Variants in TCF4 observed in about 807,000 individuals in gnomAD.
TCF4 encodes SL3-3 enhancer factor 2.
A neutral mutation model predicts 82.1 loss-of-function variants in TCF4; 3 were observed. The ratio of observed to expected loss-of-function variants is 0.04; its 90% CI spans 0.02 to 0.09. TCF4 has a LOEUF of 0.09. Among genes scored for constraint, TCF4 ranks in the 10% least tolerant of loss-of-function variants. The pLI, the probability that TCF4 is intolerant of heterozygous loss-of-function variation, is 1.00. For missense variants in TCF4, 518 were observed against 852.7 expected, an observed-to-expected ratio of 0.61 and a Z score of 4.89; for synonymous variants, 276 against 309.6, an observed-to-expected ratio of 0.89 and a Z score of 1.14.
intron 6 of TCF4, among the ~76,000 whole-genome samples, chr18:55,380,652 A>C (rs2091742485): frequency 6.6e-6 from 1 of 152,194 alleles, no homozygotes; most frequent in African/African-American, 2.4e-5. Context: ...GTATGTAATA[A>C]ATGTCAGTTC....
intron 5 of TCF4, chr18:55,452,494 C>G (rs927204493): frequency 3.3e-5 from 5 of 152,448 alleles, no homozygotes; most frequent in African/African-American, 9.6e-5. Context: ...GTCCCAGGGA[C>G]GTGCTCCAGG....
At chr18:55,589,902 TAG>T, upstream of TCF4, 4 of 931,314 alleles carry the variant, frequency 4.3e-6, no homozygotes, top group Non-Finnish European at 5.1e-6. Context: ...ACAGAGCGCC[TAG>T]AGAGGCGGCC....
chr18:55,550,572 T>C (rs2097252005), intron 3 of TCF4: 1 of 152,204 alleles, frequency 6.6e-6, no homozygotes, highest in African/African-American at 2.4e-5. Flanking sequence ...TTTGGTCTTG[T>C]GTGCATGTAG....
At chr18:55,582,718 T>C (rs1045550550) in intron 3 of TCF4, among the ~76,000 whole-genome samples, 2 of 152,158 alleles carry the variant, frequency 1.3e-5, no homozygotes, top group African/African-American at 4.8e-5. Context: ...ACTTTAAGCA[T>C]GAATTATTAC....
At position 55,539,940 on chromosome 18, in the gene TCF4, C is replaced by T. The variant is rs527252918; in HGVS notation, c.145+45340G>A. Reference sequence around the variant, plus strand: ...TCAAAAAATGCTTCCACTTGCGCACCGGACATCCATTCTGAGTCACTCTTT... The same window carrying T: ...TCAAAAAATGCTTCCACTTGCGCACTGGACATCCATTCTGAGTCACTCTTT... On this transcript the variant is annotated intron_variant, in intron 3 of 19. Transcript: ENST00000354452. Among the ~76,000 whole-genome samples the T allele has an allele frequency of 1.1e-4, 16 of 151,952 alleles. 1 individual carries two copies. In the South Asian group the frequency reaches 2.5e-3, roughly 24 times the overall value.
At chr18:55,526,001 T>C (rs1369993348) in intron 3 of TCF4, among the ~76,000 whole-genome samples, 2 of 152,224 alleles carry the variant, frequency 1.3e-5, no homozygotes, top group African/African-American at 2.4e-5. Flanking sequence ...CTATTCTTAG[T>C]GTGTGTGCTT....
At chr18:55,583,949 T>G (rs767544577) in intron 3 of TCF4, among the ~76,000 whole-genome samples, 33 of 152,068 alleles carry the variant, frequency 2.2e-4, no homozygotes, top group Admixed American at 6.6e-4. Context: ...GTGGAAAACA[T>G]AACCAGGTCC....
At chr18:55,533,153 TACA>T (rs1463977532) in intron 3 of TCF4, among the ~76,000 whole-genome samples, 8 of 152,014 alleles carry the variant, frequency 5.3e-5, no homozygotes, top group East Asian at 1.9e-4. Flanking sequence ...TGTTCAAAAA[TACA>T]ACAAGAAACA....
chr18:55,632,847 A>G (rs536616350), intron 1 of TCF4, among the ~76,000 whole-genome samples: 1 of 152,310 alleles, frequency 6.6e-6, no homozygotes, highest in South Asian at 2.1e-4. Flanking sequence ...GGAATATTGG[A>G]GGAAGATCCT....
intron 3 of TCF4, among the ~76,000 whole-genome samples, chr18:55,505,924 G>A (rs2096754621): frequency 6.6e-6 from 1 of 152,088 alleles, no homozygotes; most frequent in African/African-American, 2.4e-5. Flanking sequence ...ATAGGAGTGG[G>A]TTTAATCTAA....
At chr18:55,600,553 C>T (rs150860438) in intron 2 of TCF4, among the ~76,000 whole-genome samples, 27 of 152,276 alleles carry the variant, frequency 1.8e-4, no homozygotes, top group East Asian at 1.2e-3. Flanking sequence ...TCCATTCTCA[C>T]GGGTGTGAAC....
chr18:55,254,260 G>C lies in TCF4; in HGVS notation c.1350+237C>G, dbSNP rs74810858. On this transcript the variant is annotated intron_variant, in intron 15 of 19. Transcript: ENST00000354452. ...GGAATGACTGCTTAATGGGCAACGGGGATTCTTTTCTTTTTGCAGGGGGCA... is the reference window on the plus strand; with the variant it reads ...GGAATGACTGCTTAATGGGCAACGGCGATTCTTTTCTTTTTGCAGGGGGCA... Among the ~76,000 whole-genome samples the C allele has an allele frequency of 2.8e-3, 430 of 152,200 alleles. 2 individuals are homozygous for C. Among genetic ancestry groups the C allele is most frequent in the African/African-American group, 9.8e-3 (409 of 41,528 alleles).
chr18:55,630,194 T>C (rs757821234), intron 2 of TCF4, among the ~76,000 whole-genome samples: 41 of 152,188 alleles, frequency 2.7e-4, no homozygotes, highest in Middle Eastern at 3.2e-3. Context: ...AAATTTTATA[T>C]AGAATAATAA....
intron 8 of TCF4, among the ~76,000 whole-genome samples, chr18:55,300,501 C>A (rs1367160855): frequency 6.6e-6 from 1 of 152,084 alleles, no homozygotes; most frequent in Non-Finnish European, 1.5e-5. Flanking sequence ...CATTAGCAAC[C>A]CAGAGTGGAA....
At position 55,570,180 on chromosome 18, in the gene TCF4, T is replaced by G. The variant is rs678361; in HGVS notation, c.145+15100A>C. Among the ~76,000 whole-genome samples the G allele has an allele frequency of 4.2e-3, 647 of 152,302 alleles. 7 individuals are homozygous for G. The highest frequency in any genetic ancestry group is 0.015 in the African/African-American group (626 of 41,572). ...GGATGGACTTTTCAGTACGTGTGAA[T>G]GGATTTCCACACAAAATCAATCCCA... On this transcript the variant is annotated intron_variant, in intron 3 of 19. Transcript: ENST00000354452.
chr18:55,471,565 G>A (rs985192402), intron 3 of TCF4, among the ~76,000 whole-genome samples: 4 of 152,064 alleles, frequency 2.6e-5, no homozygotes, highest in Non-Finnish European at 5.9e-5. Flanking sequence ...CCAAGAGTTC[G>A]AGATCAGCCT....
intron 3 of TCF4, among the ~76,000 whole-genome samples, chr18:55,505,069 A>C (rs569743459): frequency 2.6e-5 from 4 of 152,324 alleles, no homozygotes; most frequent in South Asian, 4.1e-4. Flanking sequence ...TTTTGGGGTT[A>C]GGTTATTGGC....
At chr18:55,436,303 T>A (rs948241621) in intron 5 of TCF4, among the ~76,000 whole-genome samples, 1 of 152,226 alleles carries the variant, frequency 6.6e-6, no homozygotes, top group Non-Finnish European at 1.5e-5. Flanking sequence ...ATTAATAATT[T>A]AACTACTTTA....
chr18:55,577,647 C>T (rs2097542257), intron 3 of TCF4, among the ~76,000 whole-genome samples: 1 of 152,064 alleles, frequency 6.6e-6, no homozygotes, highest in South Asian at 2.1e-4. Flanking sequence ...GTAAACACCC[C>T]ATACTTAAGT....
Sources: allele counts gnomAD v4.1 joint callset (sites outside exome capture counted in the v4.1 genomes callset), GRCh38; gene constraint gnomAD v4.1.1; transcripts MANE v1.5; gene names NCBI Gene and HGNC (gene_info 2026-07-23, HGNC 2026-07-21).